RPS6KA2: variants seen among roughly 807,000 people sequenced by gnomAD.
The protein encoded by RPS6KA2 is ribosomal protein S6 kinase alpha-2.
Under a neutral mutation model 91.8 loss-of-function variants are expected in RPS6KA2, and 42 were observed. That is an observed-to-expected ratio of 0.46 (90% CI 0.36 to 0.59). The LOEUF (loss-of-function observed/expected upper bound fraction) is 0.59, where lower values mean the gene tolerates loss of function less well. Ranked by LOEUF, RPS6KA2 falls within the 20% of genes least tolerant of loss-of-function variation. The pLI is 0.00. For synonymous variants in RPS6KA2, 414 were observed against 393.6 expected (o/e 1.05, Z -0.61); for missense variants, 798 against 978.5 (o/e 0.82, Z 2.46).
At chr6:166,529,521 G>A (rs1211972265) in intron 3 of RPS6KA2, among the ~76,000 whole-genome samples, 2 of 152,042 alleles carry the variant, frequency 1.3e-5, no homozygotes, top group Admixed American at 6.5e-5. Context: ...GTATACATAT[G>A]TAACAAACCT....
intron 2 of RPS6KA2, among the ~76,000 whole-genome samples, chr6:166,822,735 A>G (rs566200841): frequency 4.3e-4 from 65 of 152,312 alleles, no homozygotes; most frequent in African/African-American, 1.5e-3. Context: ...TGTTCAGGCA[A>G]AGGTCTATCC....
chr6:166,567,868 C>T (rs1784549283), intron 1 of RPS6KA2, among the ~76,000 whole-genome samples: 1 of 152,178 alleles, frequency 6.6e-6, no homozygotes, highest in Non-Finnish European at 1.5e-5. Flanking sequence ...TCCCAAGGGC[C>T]TGTCAGAAAA....
intron 2 of RPS6KA2, among the ~76,000 whole-genome samples, chr6:166,817,870 A>T (rs1282454269): frequency 6.6e-6 from 1 of 151,862 alleles, no homozygotes; most frequent in Non-Finnish European, 1.5e-5. Context: ...TTACAGGCAC[A>T]CACCACCACA....
intron 2 of RPS6KA2, among the ~76,000 whole-genome samples, chr6:166,837,478 G>T (rs966177450): frequency 1.3e-5 from 2 of 152,222 alleles, no homozygotes; most frequent in East Asian, 3.8e-4. Context: ...AGAGGGAAAA[G>T]GCGACCGCAG....
chr6:166,543,271 G>A (rs905072617), intron 1 of RPS6KA2, among the ~76,000 whole-genome samples: 1 of 152,154 alleles, frequency 6.6e-6, no homozygotes, highest in Non-Finnish European at 1.5e-5. Flanking sequence ...GAACAGTATC[G>A]TGTCCTGGAG....
rs2128474843 is a variant in RPS6KA2, at chr6:166,493,145, A to G, written c.748-2404T>C. On this transcript the variant is annotated intron_variant, in intron 8 of 20. Transcript: ENST00000265678. The surrounding 1 kb of genome is among the most constrained non-coding windows in gnomAD (Gnocchi z 4.7). ...CCATCCATATGGTAGGAGGTCCCCAACCATCTACTCAGCCAGAGAACACCC... is the reference window on the plus strand; with the variant it reads ...CCATCCATATGGTAGGAGGTCCCCAGCCATCTACTCAGCCAGAGAACACCC... Among the ~76,000 whole-genome samples the G allele has an allele frequency of 6.6e-6, 1 of 151,736 alleles. No homozygotes were observed. Among genetic ancestry groups the G allele is most frequent in the Middle Eastern group, 3.4e-3 (1 of 290 alleles).
intron 2 of RPS6KA2, among the ~76,000 whole-genome samples, chr6:166,643,382 G>A (rs1360824433): frequency 6.6e-6 from 1 of 151,998 alleles, no homozygotes; most frequent in African/African-American, 2.4e-5. Context: ...TAAAATAATG[G>A]AAATAGATAC....
At chr6:166,846,315 A>G (rs939262700) in intron 2 of RPS6KA2, among the ~76,000 whole-genome samples, 1 of 152,200 alleles carries the variant, frequency 6.6e-6, no homozygotes, top group Non-Finnish European at 1.5e-5. Context: ...TATTGACACT[A>G]TTCCACAGGA....
At chr6:166,562,112 A>G (rs1253571657) in intron 1 of RPS6KA2, among the ~76,000 whole-genome samples, 1 of 152,164 alleles carries the variant, frequency 6.6e-6, no homozygotes, top group Non-Finnish European at 1.5e-5. Flanking sequence ...TCCTTAGAGA[A>G]GGAATTAGAC....
intron 1 of RPS6KA2, among the ~76,000 whole-genome samples, chr6:166,593,223 C>T (rs142913652): frequency 5.9e-5 from 9 of 152,068 alleles, no homozygotes; most frequent in African/African-American, 2.2e-4. Context: ...AAGAAAAATT[C>T]TTTATAGGTA....
chr6:166,774,970 G>T (rs1452091125), intron 2 of RPS6KA2, among the ~76,000 whole-genome samples: 1 of 152,046 alleles, frequency 6.6e-6, no homozygotes, highest in Admixed American at 6.6e-5. Flanking sequence ...GGGCAGAGGA[G>T]AAACGGCAGG....
Position 166,610,559 on chromosome 6 carries a change from C to T in RPS6KA2, c.99+16362G>A, listed in dbSNP as rs776321847. 5.9e-5 allele frequency among the ~76,000 whole-genome samples: 9 copies of T among 152,310 alleles called. No individual in the cohort carries two copies. The South Asian group carries it at 1.4e-3, about 25-fold the overall frequency. ...GTGTTTCTGCCGAGGGCCATGGAGG[C>T]CTCCAAAAATGCTACTTTCACCCAG... On this transcript the variant is annotated intron_variant, in intron 1 of 20. Coordinates refer to ENST00000265678, the MANE Select transcript of RPS6KA2 (RefSeq NM_021135.6).
In RPS6KA2 at chr6:166,554,541, C is replaced by T. The variant is rs533830087; in HGVS notation, c.100-15757G>A. Among the ~76,000 whole-genome samples the T allele has an allele frequency of 6.6e-6, 1 of 152,284 alleles. No homozygotes were observed. Among genetic ancestry groups the T allele is most frequent in the East Asian group, 1.9e-4 (1 of 5,182 alleles). ...CATCCTGTGTGGGGACAGAGAGAAA[C>T]ATTCAGGGACAAAACCTAAGTCACG... is the stretch of plus-strand genomic sequence containing the variant. On this transcript the variant is annotated intron_variant, in intron 1 of 20. Transcript: ENST00000265678. The surrounding 1 kb of genome is among the most constrained non-coding windows in gnomAD (Gnocchi z 4.3).
chr6:166,417,158 A>T (rs1246817430), intron 19 of RPS6KA2, among the ~76,000 whole-genome samples: 1 of 152,242 alleles, frequency 6.6e-6, no homozygotes, highest in Non-Finnish European at 1.5e-5. Flanking sequence ...TGGACTGCAG[A>T]CAAGGCCAAA....
At chr6:166,765,559 G>A (rs1453109354) in intron 2 of RPS6KA2, among the ~76,000 whole-genome samples, 3 of 152,176 alleles carry the variant, frequency 2.0e-5, no homozygotes, top group African/African-American at 7.2e-5. Context: ...TTAACTTTTC[G>A]TAGATTATAA....
rs77965447 is a variant in RPS6KA2 at position 166,718,555 on chromosome 6, C to T, written c.123+139645G>A. ...TTTTTATCATACAATAAAATGCAAC[C>T]GTATCTGAAAATACAAGACACGAGT... is the stretch of plus-strand genomic sequence containing the variant. On this transcript the variant is annotated intron_variant, in intron 2 of 21. Coordinates refer to the RPS6KA2 transcript ENST00000503859. Among the ~76,000 whole-genome samples the T allele has an allele frequency of 5.3e-4, 80 of 152,204 alleles. No homozygotes were observed. The East Asian group carries it at 0.014, about 26-fold the overall frequency.
chr6:166,507,479 C>T (rs1249283469), intron 5 of RPS6KA2, among the ~76,000 whole-genome samples: 1 of 151,138 alleles, frequency 6.6e-6, no homozygotes, highest in Non-Finnish European at 1.5e-5. Flanking sequence ...CATAGGCACA[C>T]AGGATGTCAA....
chr6:166,565,134 G>A (rs1784455830), intron 1 of RPS6KA2, among the ~76,000 whole-genome samples: 2 of 152,180 alleles, frequency 1.3e-5, no homozygotes, highest in African/African-American at 2.4e-5. Context: ...AAATTCCTGG[G>A]AGAAAAGAGC....
intron 3 of RPS6KA2, among the ~76,000 whole-genome samples, chr6:166,518,583 T>C (rs1422594563): frequency 6.6e-6 from 1 of 152,170 alleles, no homozygotes; most frequent in African/African-American, 2.4e-5. Context: ...AACCCATCAG[T>C]GCAGGGAAGA....
Sources: gnomAD v4.1 joint callset for allele counts (sites outside exome capture counted in the v4.1 genomes callset) on GRCh38, gnomAD v4.1.1 for gene constraint, Gnocchi (gnomAD v3.1) non-coding constraint, MANE v1.5 for transcripts, NCBI Gene and HGNC (gene_info 2026-07-23, HGNC 2026-07-21) for gene names.